STAU2: variants seen among roughly 807,000 people sequenced by gnomAD.
STAU2 encodes the protein double-stranded RNA-binding protein Staufen homolog 2.
A neutral mutation model predicts 65.9 loss-of-function variants in STAU2; 20 were observed. The ratio of observed to expected loss-of-function variants is 0.30; its 90% confidence interval spans 0.21 to 0.44. The LOEUF (loss-of-function observed/expected upper bound fraction) is 0.44. Ranked by LOEUF, STAU2 falls within the 20% of genes least tolerant of loss-of-function variation. The pLI, the probability that STAU2 is intolerant of heterozygous loss-of-function variation, is 1.00. For missense variants in STAU2, 558 were observed against 683.9 expected (o/e 0.82, Z 2.05); for synonymous variants, 232 against 233.9 (o/e 0.99, Z 0.07).
At chr8:73,474,153 C>CA (rs1369528934) in intron 13 of STAU2, among the ~76,000 whole-genome samples, 1 of 151,676 alleles carries the variant, frequency 6.6e-6, no homozygotes, top group Admixed American at 6.6e-5. Flanking sequence ...CAAAACAAAA[C>CA]AAAAAAACAA....
At chr8:73,568,448 G>T (rs886415006) in intron 12 of STAU2, among the ~76,000 whole-genome samples, 2 of 152,030 alleles carry the variant, frequency 1.3e-5, no homozygotes, top group African/African-American at 4.8e-5. Flanking sequence ...TCGGGGGAGT[G>T]GGGGCAAAGC....
At chr8:73,542,579 T>C (rs1172446405) in intron 13 of STAU2, among the ~76,000 whole-genome samples, 2 of 152,108 alleles carry the variant, frequency 1.3e-5, no homozygotes, top group African/African-American at 4.8e-5. Context: ...ATATTTGTAA[T>C]GCAAATGACT....
intron 6 of STAU2, among the ~76,000 whole-genome samples, chr8:73,658,449 G>A (rs1048004109): frequency 6.6e-6 from 1 of 152,056 alleles, no homozygotes; most frequent in Non-Finnish European, 1.5e-5. Flanking sequence ...CAAGTTTCCA[G>A]TAATCAACAT....
At chr8:73,628,826 C>A (rs1400515654) in intron 6 of STAU2, among the ~76,000 whole-genome samples, 1 of 152,152 alleles carries the variant, frequency 6.6e-6, no homozygotes, top group Non-Finnish European at 1.5e-5. Flanking sequence ...TACGTTTGCA[C>A]TAAAATCTTC....
chr8:73,433,661 T>C (rs1368653357), intron 13 of STAU2, among the ~76,000 whole-genome samples: 3 of 151,606 alleles, frequency 2.0e-5, no homozygotes, highest in Non-Finnish European at 4.4e-5. Context: ...TCACTATGCC[T>C]GAGAAATTTT....
intron 9 of STAU2, among the ~76,000 whole-genome samples, chr8:73,612,522 T>A (rs568737632): frequency 1.1e-3 from 170 of 152,286 alleles, no homozygotes; most frequent in African/African-American, 3.9e-3. Flanking sequence ...CTATGACTCA[T>A]GATAAGTGGA....
intron 13 of STAU2, among the ~76,000 whole-genome samples, chr8:73,515,612 C>T (rs1822660521): frequency 6.6e-6 from 1 of 151,868 alleles, no homozygotes; most frequent in South Asian, 2.1e-4. Context: ...AGGTAAGTAA[C>T]CAGAAGTCAG....
At chr8:73,656,572 A>G (rs1279095374) in intron 6 of STAU2, among the ~76,000 whole-genome samples, 2 of 152,236 alleles carry the variant, frequency 1.3e-5, no homozygotes, top group Non-Finnish European at 2.9e-5. Flanking sequence ...GTTTAATTTT[A>G]TATAGTCCAA....
intron 13 of STAU2, among the ~76,000 whole-genome samples, chr8:73,459,167 T>C (rs556555484): frequency 6.6e-6 from 1 of 152,346 alleles, no homozygotes; most frequent in African/African-American, 2.4e-5. Context: ...CCAAGGTTTT[T>C]ATATTACTAA....
chr8:73,483,670 GA>G (rs1820760012), intron 13 of STAU2, among the ~76,000 whole-genome samples: 1 of 152,226 alleles, frequency 6.6e-6, no homozygotes, highest in South Asian at 2.1e-4. Context: ...GCTTAGGTAA[GA>G]AAATGCTCCT....
chr8:73,665,873 G>C (rs1271300933), intron 6 of STAU2, among the ~76,000 whole-genome samples: 1 of 151,978 alleles, frequency 6.6e-6, no homozygotes, highest in Non-Finnish European at 1.5e-5. Flanking sequence ...TATAACCTAT[G>C]CACATCCTCC....
chr8:73,699,620 A>G (rs1819941572), intron 4 of STAU2, among the ~76,000 whole-genome samples: 1 of 152,104 alleles, frequency 6.6e-6, no homozygotes, highest in African/African-American at 2.4e-5. Context: ...TTGAACCCGG[A>G]AGAAATCCAA....
At chr8:73,449,663 G>T (rs1449077844) in intron 13 of STAU2, among the ~76,000 whole-genome samples, 2 of 152,118 alleles carry the variant, frequency 1.3e-5, no homozygotes, top group South Asian at 4.2e-4. Flanking sequence ...CTGGGGCTGG[G>T]TGGGCAGTGG....
At chr8:73,656,134 C>T (rs530220732) in intron 6 of STAU2, among the ~76,000 whole-genome samples, 11 of 152,264 alleles carry the variant, frequency 7.2e-5, no homozygotes, top group African/African-American at 2.4e-4. Context: ...AACTCACTGA[C>T]ATTTACAGAG....
intron 6 of STAU2, chr8:73,672,225 T>C (rs1236776674): frequency 6.6e-6 from 1 of 152,072 alleles, no homozygotes; most frequent in Non-Finnish European, 1.5e-5. Context: ...AGAAAATCAT[T>C]ATACAAAGTA....
At chr8:73,490,358 A>G (rs1293300555) in intron 13 of STAU2, among the ~76,000 whole-genome samples, 1 of 152,040 alleles carries the variant, frequency 6.6e-6, no homozygotes, top group African/African-American at 2.4e-5. Context: ...AAAAGACTTC[A>G]TGCTGCTAGG....
intron 9 of STAU2, among the ~76,000 whole-genome samples, chr8:73,604,386 T>C (rs999163885): frequency 1.3e-5 from 2 of 151,914 alleles, no homozygotes; most frequent in Non-Finnish European, 2.9e-5. Context: ...GCCCACACCA[T>C]GCCCAGCTAA....
rs1055225166 is a variant in STAU2, at chr8:73,693,270, G to A, written c.115-4457C>T. On this transcript the variant is annotated intron_variant, in intron 4 of 14. Coordinates refer to ENST00000524300, the MANE Select transcript of STAU2 (RefSeq NM_001164380.2). ...GGGCGGATCACGAGGTCAGGAGATCGAGACCATCTTGGCTAACACGGTGAA... is the reference window on the plus strand; with the variant it reads ...GGGCGGATCACGAGGTCAGGAGATCAAGACCATCTTGGCTAACACGGTGAA... Among the ~76,000 whole-genome samples the A allele has an allele frequency of 9.2e-5, 14 of 152,210 alleles. No individual in the cohort carries two copies. The South Asian group carries it at 1.0e-3, about 11-fold the overall frequency.
intron 12 of STAU2, among the ~76,000 whole-genome samples, chr8:73,558,315 T>C (rs1333035493): frequency 1.3e-5 from 2 of 152,212 alleles, no homozygotes; most frequent in Non-Finnish European, 2.9e-5. Context: ...CACTGAAGTA[T>C]ACAGAGTTTA....
Sources: gnomAD v4.1 joint callset for allele counts (sites outside exome capture counted in the v4.1 genomes callset) on GRCh38, gnomAD v4.1.1 for gene constraint, MANE v1.5 for transcripts, NCBI Gene and HGNC (gene_info 2026-07-23, HGNC 2026-07-21) for gene names.